SLC17A6: variants seen among roughly 807,000 people sequenced by gnomAD.
SLC17A6 encodes the protein solute carrier family 17 member 6.
In SLC17A6, 35 loss-of-function variants were observed where a neutral mutation model predicts 67.1. That is an observed-to-expected ratio of 0.52 (90% CI 0.40 to 0.69). SLC17A6 has a LOEUF of 0.69. Among genes scored for constraint, SLC17A6 ranks in the 30% least tolerant of loss-of-function variants. The pLI is 0.00. For synonymous variants in SLC17A6, 285 were observed against 252.3 expected (o/e 1.13, Z -1.23); for missense variants, 588 against 723.9 (o/e 0.81, Z 2.15).
In SLC17A6 at chr11:22,359,452, T is replaced by C; in HGVS notation, c.498T>C (p.Asn166=). The C allele has an allele frequency of 6.2e-7, 1 of 1,603,196 alleles. No homozygotes were observed. The highest frequency in any genetic ancestry group is 8.5e-7 in the Non-Finnish European group (1 of 1,174,324). ...CCATACTTCTTACCTCTACCCTAAA[T>C]ATGCTAATTCCATCAGCAGCCAGAG... is the stretch of plus-strand genomic sequence containing the variant. ...GAAILLTSTL[N]MLIPSAARVH... Residue 166 remains asparagine, a synonymous_variant, in exon 4 of 12, where the codon AAT becomes AAC. Coordinates refer to ENST00000263160, the MANE Select transcript of SLC17A6 (RefSeq NM_020346.3).
At chr11:22,342,354 C>A (rs1054347186) in intron 2 of SLC17A6, among the ~76,000 whole-genome samples, 1 of 152,088 alleles carries the variant, frequency 6.6e-6, no homozygotes, top group Non-Finnish European at 1.5e-5. Flanking sequence ...ACCCCTGGGT[C>A]CAGACTTCCT....
chr11:22,374,623 G>T, intron 8 of SLC17A6, 132 bp from the exon 9 acceptor site: 1 of 711,200 alleles, frequency 1.4e-6, no homozygotes. Flanking sequence ...ATGAGTAAGT[G>T]ATCATTTGGA....
At position 22,338,435 on chromosome 11, in the gene SLC17A6, C is replaced by G. The variant is rs1855760502; in HGVS notation, c.-99C>G. ...ACCATTCTGCTGAGAAGGAAAAGCC[C>G]GCAACTACTTTAAGAGATTAAGACA... On this transcript the variant is annotated 5_prime_UTR_variant, in exon 1 of 12. Coordinates refer to ENST00000263160, the MANE Select transcript of SLC17A6 (RefSeq NM_020346.3). 1.2e-6 allele frequency: 1 copy of G among 841,256 alleles called. No homozygotes were observed. 52.1% of individuals were successfully genotyped at this position (841,256 alleles called of 1,614,324 possible). A position where few individuals can be genotyped will look rare whatever the true frequency, so the allele number is the denominator to read the frequency against.
At chr11:22,339,190 T>C (rs1171609966) in intron 1 of SLC17A6, among the ~76,000 whole-genome samples, 1 of 136,210 alleles carries the variant, frequency 7.3e-6, no homozygotes, top group Non-Finnish European at 1.6e-5. Flanking sequence ...TTTATATATA[T>C]ATATATATAT....
At chr11:22,365,217 A>G (rs1856097495) in intron 6 of SLC17A6, among the ~76,000 whole-genome samples, 1 of 152,160 alleles carries the variant, frequency 6.6e-6, no homozygotes, top group Non-Finnish European at 1.5e-5. Flanking sequence ...TATTTCTCTC[A>G]CTTAACCAGA....
chr11:22,371,946 A>G (rs1856179630), intron 8 of SLC17A6, among the ~76,000 whole-genome samples: 1 of 152,086 alleles, frequency 6.6e-6, no homozygotes, highest in African/African-American at 2.4e-5. Context: ...TCTACAACAA[A>G]GTATTGGTAT....
intron 3 of SLC17A6, 104 bp from the exon 4 acceptor site, chr11:22,359,309 G>A (rs762324778): frequency 4.3e-4 from 260 of 602,274 alleles, no homozygotes; most frequent in Non-Finnish European, 5.7e-4. Context: ...AATTATTGGC[G>A]ATTTTTTTAT....
intron 7 of SLC17A6, among the ~76,000 whole-genome samples, chr11:22,368,569 A>C (rs1856138766): frequency 6.6e-6 from 1 of 152,052 alleles, no homozygotes; most frequent in Non-Finnish European, 1.5e-5. Flanking sequence ...GTACTTTACC[A>C]TGTAAAGAAT....
chr11:22,354,379 C>T (rs184402499), intron 3 of SLC17A6, among the ~76,000 whole-genome samples: 9 of 152,276 alleles, frequency 5.9e-5, no homozygotes, highest in East Asian at 1.9e-4. Context: ...CCACCGCGCC[C>T]GGCAATTTTA....
intron 8 of SLC17A6, among the ~76,000 whole-genome samples, chr11:22,372,810 G>T (rs893692443): frequency 6.6e-6 from 1 of 152,104 alleles, no homozygotes; most frequent in Non-Finnish European, 1.5e-5. Context: ...TGACATGAAT[G>T]ATCTTTAGGA....
intron 8 of SLC17A6, among the ~76,000 whole-genome samples, chr11:22,370,826 C>A (rs923300648): frequency 6.6e-6 from 1 of 152,114 alleles, no homozygotes; most frequent in African/African-American, 2.4e-5. Flanking sequence ...AGCATGCTAA[C>A]TTCCACAGAC....
chr11:22,357,375 T>C (rs1278189772), intron 3 of SLC17A6, among the ~76,000 whole-genome samples: 1 of 152,216 alleles, frequency 6.6e-6, no homozygotes, highest in Non-Finnish European at 1.5e-5. Flanking sequence ...TAATTCATAC[T>C]TGATTCAGCT....
At chr11:22,341,427 C>T (rs1855814109) in intron 1 of SLC17A6, 101 bp from the exon 2 acceptor site, 8 of 1,501,054 alleles carry the variant, frequency 5.3e-6, no homozygotes, top group Non-Finnish European at 6.2e-6. Context: ...AGGTCGACGG[C>T]CCTCCTCCCA....
intron 3 of SLC17A6, among the ~76,000 whole-genome samples, chr11:22,358,712 C>G (rs1265457991): frequency 6.6e-6 from 1 of 152,058 alleles, no homozygotes; most frequent in East Asian, 1.9e-4. Context: ...CATTACGTTT[C>G]TGGCATTTTT....
At position 22,374,904 on chromosome 11, in the gene SLC17A6, C is replaced by T. The variant is rs1856215889; in HGVS notation, c.1174+17C>T. ...ATTGTGGTGGTAAGTACATAAGTGG[C>T]ACTAAGGACATGTTTTTAGTTCAAT... On this transcript the variant is annotated intron_variant, in intron 9 of 11. Coordinates refer to ENST00000263160, the MANE Select transcript of SLC17A6 (RefSeq NM_020346.3). 1 of 1,598,252 alleles carries T rather than the reference C, an allele frequency of 6.3e-7. No individual in the cohort carries two copies. Among genetic ancestry groups the T allele is most frequent in the Admixed American group, 1.8e-5 (1 of 57,042 alleles).
At chr11:22,340,899 T>C (rs1276914752) in intron 1 of SLC17A6, among the ~76,000 whole-genome samples, 2 of 152,176 alleles carry the variant, frequency 1.3e-5, no homozygotes, top group East Asian at 1.9e-4. Flanking sequence ...GGCACTAGCC[T>C]AGAGAGGCCT....
At chr11:22,377,346 T>A (rs1345098495) in intron 11 of SLC17A6, 59 bp from the exon 12 acceptor site, 3 of 1,437,066 alleles carry the variant, frequency 2.1e-6, no homozygotes, top group Non-Finnish European at 2.8e-6. Flanking sequence ...TCAGAGAAGA[T>A]GTTAGGCGTT....
intron 1 of SLC17A6, among the ~76,000 whole-genome samples, chr11:22,339,181 T>TTA (rs60197884): frequency 0.028 from 2,344 of 82,714 alleles, 294 homozygotes; most frequent in Middle Eastern, 0.049. Flanking sequence ...TATATATGTT[T>TTA]TATATATATA....
At chr11:22,342,747 C>T (rs147156799) in intron 2 of SLC17A6, among the ~76,000 whole-genome samples, 315 of 152,290 alleles carry the variant, frequency 2.1e-3, no homozygotes, top group Non-Finnish European at 3.7e-3. Context: ...TGTGGGGACA[C>T]GCTTTCTCTT....
Sources: gnomAD v4.1 joint callset for allele counts (sites outside exome capture counted in the v4.1 genomes callset) on GRCh38, gnomAD v4.1.1 for gene constraint, MANE v1.5 for transcripts, NCBI Gene and HGNC (gene_info 2026-07-23, HGNC 2026-07-21) for gene names.